Variants in BRD1 observed in about 807,000 individuals in gnomAD.
BRD1 encodes the protein bromodomain-containing protein 1.
BRD1 carries 24 observed loss-of-function variants against 107.7 expected under a neutral mutation model. The observed-to-expected ratio is 0.22, with a 90% CI of 0.16 to 0.31. The LOEUF (loss-of-function observed/expected upper bound fraction) is 0.31. Ranked by LOEUF, BRD1 falls within the 10% of genes least tolerant of loss-of-function variation. The pLI is 1.00. For synonymous variants in BRD1, 744 were observed against 686.1 expected, an observed-to-expected ratio of 1.08 and a Z score of -1.32; for missense variants, 1,279 against 1,638.6, an observed-to-expected ratio of 0.78 and a Z score of 3.79.
intron 12 of BRD1, among the ~76,000 whole-genome samples, chr22:49,774,802 T>G (rs2146892345): frequency 6.6e-6 from 1 of 152,350 alleles, no homozygotes; most frequent in East Asian, 1.9e-4. Flanking sequence ...TGGGCCTCGC[T>G]CAAGGCCTGA....
rs764429512 is a variant in BRD1 at position 49,822,973 on chromosome 22, C to A, written c.1345G>T (p.Ala449Ser). The A allele has an allele frequency of 1.9e-6, 3 of 1,614,174 alleles. No individual in the cohort carries two copies. Among genetic ancestry groups the A allele is most frequent in the African/African-American group, 1.3e-5 (1 of 75,034 alleles). Residue 449 changes from alanine to serine, a missense_variant, in exon 2 of 13, where the codon GCT (alanine) becomes TCT (serine). Physicochemically the swap from Ala to Ser is moderately conservative, Grantham distance 99 (BLOSUM62 1). Transcript: ENST00000404760. ...TACCTCTGCGGGGGAATATAAGGAG[C>A]GCACACGGTCGGCAGGACCGCGCAG... is the stretch of plus-strand genomic sequence containing the variant. ...EPCAVLPTVC[A>S]PYIPPQRLNR...
At chr22:49,794,568 C>T (rs1269103491) in intron 6 of BRD1, among the ~76,000 whole-genome samples, 1 of 152,228 alleles carries the variant, frequency 6.6e-6, no homozygotes, top group Non-Finnish European at 1.5e-5. Flanking sequence ...AAGATCGCAA[C>T]CTCTCCTGGA....
rs571182133 is a variant in BRD1, at chr22:49,803,194, C to A, written c.1524+1010G>T. The stretch of plus-strand genomic sequence containing the variant: ...ACGGCAGGTGACTGAACAGGGCTCA[C>A]GCTGCAGAGGCAGAGTCTGCGAGGC... On this transcript the variant is annotated intron_variant, in intron 3 of 12. Transcript: ENST00000404760. This position sits in a 1 kb window ranked among gnomAD's most constrained non-coding sequence, Gnocchi z 4.4. Among the ~76,000 whole-genome samples the A allele has an allele frequency of 1.3e-5, 2 of 152,352 alleles. No homozygotes were observed. Among genetic ancestry groups the A allele is most frequent in the Non-Finnish European group, 2.9e-5 (2 of 68,032 alleles).
intron 2 of BRD1, chr22:49,806,883 A>T (rs926676156): frequency 1.3e-5 from 2 of 152,326 alleles, no homozygotes; most frequent in African/African-American, 4.8e-5. Flanking sequence ...CTACAATCCC[A>T]GCTACTCGGG....
At chr22:49,822,910 A>G (rs1217260533) in intron 2 of BRD1, 41 bp downstream of exon 2, 3 of 1,599,042 alleles carry the variant, frequency 1.9e-6, no homozygotes, top group East Asian at 2.2e-5. Context: ...AGGGTCCCAC[A>G]CTGCAGGCTC....
chr22:49,812,738 C>T (rs1464281407), intron 2 of BRD1, among the ~76,000 whole-genome samples: 1 of 152,238 alleles, frequency 6.6e-6, no homozygotes, highest in Admixed American at 6.5e-5. Flanking sequence ...AACTTTAAAG[C>T]TACTGCCCAC....
At chr22:49,775,445 A>G in intron 12 of BRD1, 146 bp downstream of exon 12, 1 of 791,050 alleles carries the variant, frequency 1.3e-6, no homozygotes, top group Non-Finnish European at 1.8e-6. Context: ...TCCACCAGGC[A>G]AACAGCGGAG....
intron 8 of BRD1, among the ~76,000 whole-genome samples, chr22:49,787,024 T>C (rs1309747737): frequency 1.3e-5 from 2 of 150,720 alleles, no homozygotes; most frequent in Admixed American, 6.6e-5. Flanking sequence ...AGCCCAGGAG[T>C]TGGAGGCTGC....
chr22:49,821,320 A>C (rs2060061951), intron 2 of BRD1, among the ~76,000 whole-genome samples: 1 of 152,168 alleles, frequency 6.6e-6, no homozygotes, highest in Non-Finnish European at 1.5e-5. Context: ...AATTTCAGTA[A>C]AGCTGAAATT....
intron 2 of BRD1, among the ~76,000 whole-genome samples, chr22:49,816,800 C>A (rs1014273183): frequency 1.3e-5 from 2 of 152,224 alleles, no homozygotes; most frequent in African/African-American, 2.4e-5. Context: ...GAAAAAAGTG[C>A]CTTCCGAATT....
chr22:49,795,045 T>C (rs2059504517), intron 6 of BRD1, among the ~76,000 whole-genome samples: 1 of 152,142 alleles, frequency 6.6e-6, no homozygotes, highest in Non-Finnish European at 1.5e-5. Context: ...ACATGAACTC[T>C]CTTCATCTAG....
chr22:49,810,494 T>C lies in BRD1; in HGVS notation c.1368-6134A>G, dbSNP rs574632767. ...GCAGATAAACTGGACTCCATCCAAC[T>C]TGTAAATGTTTGTGCTTCAAAGAAC... On this transcript the variant is annotated intron_variant, in intron 2 of 12. Coordinates refer to ENST00000404760, the MANE Select transcript of BRD1 (RefSeq NM_001304808.3). Among the ~76,000 whole-genome samples, 21 of 152,300 alleles carry C rather than the reference T, an allele frequency of 1.4e-4. No homozygotes were observed. The East Asian group carries it at 2.1e-3, about 15-fold the overall frequency.
Position 49,818,348 on chromosome 22 carries a change from C to G in BRD1, c.1367+4603G>C, listed in dbSNP as rs753028888. 3 of 1,254,394 alleles carry G rather than the reference C, an allele frequency of 2.4e-6. No individual in the cohort carries two copies. The South Asian group carries it at 4.0e-5, about 17-fold the overall frequency. 77.7% of individuals were successfully genotyped at this position (1,254,394 alleles called of 1,614,324 possible). Reference sequence around the variant, plus strand: ...GCCGTCTGCCTGCTGATCACAGTCTCTTTTAAGACACTTTCTACTTTGCAT... The same window carrying G: ...GCCGTCTGCCTGCTGATCACAGTCTGTTTTAAGACACTTTCTACTTTGCAT... On this transcript the variant is annotated intron_variant, in intron 2 of 12. Transcript: ENST00000404760.
chr22:49,787,127 C>T (rs1043251751), intron 8 of BRD1, among the ~76,000 whole-genome samples: 1 of 152,160 alleles, frequency 6.6e-6, no homozygotes, highest in Admixed American at 6.5e-5. Flanking sequence ...GGACCAAGGA[C>T]CATCGACCCC....
chr22:49,774,222 C>T lies in BRD1; in HGVS notation c.*11G>A, dbSNP rs554175819. On this transcript the variant is annotated 3_prime_UTR_variant, in exon 13 of 13. Coordinates refer to ENST00000404760, the MANE Select transcript of BRD1 (RefSeq NM_001304808.3). ...ACACTATGGACAAGACCCGCGCTGG[C>T]GGCCGGGCCGTCAGTCAATGTCACT... 2.3e-5 allele frequency: 37 copies of T among 1,610,486 alleles called. No individual in the cohort carries two copies. The highest frequency in any genetic ancestry group is 3.0e-5 in the Non-Finnish European group (35 of 1,177,824).
At chr22:49,789,838 G>A (rs2059399225) in intron 7 of BRD1, among the ~76,000 whole-genome samples, 1 of 152,156 alleles carries the variant, frequency 6.6e-6, no homozygotes, top group Admixed American at 6.5e-5. Context: ...CCCCAACCAT[G>A]GTCCACAACC....
At chr22:49,826,179 C>T in intron 1 of BRD1, 4 of 985,454 alleles carry the variant, frequency 4.1e-6, no homozygotes, top group Non-Finnish European at 4.8e-6. Flanking sequence ...GTCATTTTCC[C>T]CTCGACAGCA....
Position 49,804,379 on chromosome 22 carries a change from G to C in BRD1, c.1368-19C>G, listed in dbSNP as rs778205264. ...ATTTAACCTAAAACACAAACACTCA[G>C]TGTATCTTTGAAGCAGTACATTAAG... On this transcript the variant is annotated intron_variant, in intron 2 of 12. Coordinates refer to ENST00000404760, the MANE Select transcript of BRD1 (RefSeq NM_001304808.3). 60 of 1,586,754 alleles carry C rather than the reference G, an allele frequency of 3.8e-5. No individual in the cohort carries two copies. The Admixed American group carries it at 9.9e-4, about 26-fold the overall frequency.
At chr22:49,784,076 G>A (rs543284269) in intron 8 of BRD1, among the ~76,000 whole-genome samples, 4 of 152,194 alleles carry the variant, frequency 2.6e-5, no homozygotes, top group Admixed American at 1.3e-4. Context: ...ACACCCCCGC[G>A]CTCTCACGCC....
Sources: allele counts gnomAD v4.1 joint callset (sites outside exome capture counted in the v4.1 genomes callset), GRCh38; gene constraint gnomAD v4.1.1; non-coding constraint Gnocchi (gnomAD v3.1); transcripts MANE v1.5; gene names NCBI Gene and HGNC (gene_info 2026-07-23, HGNC 2026-07-21).